Variants in TMEM114 observed in about 807,000 individuals in gnomAD.
TMEM114 encodes transmembrane protein 114.
In TMEM114, 6 loss-of-function variants were observed where a neutral mutation model predicts 6.2. The observed-to-expected ratio is 0.97, with a 90% CI of 0.53 to 1.91. The LOEUF (loss-of-function observed/expected upper bound fraction) is 1.91. Ranked by LOEUF, TMEM114 falls within the 40% of genes most tolerant of loss-of-function variation. TMEM114 has a pLI of 0.01. For missense variants in TMEM114, 218 were observed against 158.3 expected (o/e 1.38, Z -2.02); for synonymous variants, 104 against 73.0 (o/e 1.42, Z -2.16).
chr16:8,586,592 C>G (rs1051485095), intron 2 of TMEM114, among the ~76,000 whole-genome samples: 1 of 151,988 alleles, frequency 6.6e-6, no homozygotes, highest in Non-Finnish European at 1.5e-5. Flanking sequence ...TCACTGCAAC[C>G]TCTGCCTCCC....
At chr16:8,547,409 T>C (rs1900703968) in intron 2 of TMEM114, among the ~76,000 whole-genome samples, 2 of 148,246 alleles carry the variant, frequency 1.3e-5, no homozygotes, top group South Asian at 2.1e-4. Context: ...TTTTTTTTTT[T>C]TGAGACGGAG....
intron 2 of TMEM114, among the ~76,000 whole-genome samples, chr16:8,542,140 C>CG (rs1180284478): frequency 1.2e-3 from 145 of 123,204 alleles, no homozygotes; most frequent in South Asian, 7.8e-3. Context: ...GAGGATGATT[C>CG]GTGGGGGGGG....
At chr16:8,584,679 T>C (rs1455669716) in intron 2 of TMEM114, among the ~76,000 whole-genome samples, 1 of 152,098 alleles carries the variant, frequency 6.6e-6, no homozygotes. Flanking sequence ...CCCAGCACTT[T>C]GGGAGGCCGA....
At position 8,590,022 on chromosome 16, in the gene TMEM114, G is replaced by A; in HGVS notation, c.-184C>T. On this transcript the variant is annotated 5_prime_UTR_variant, in exon 1 of 4. Coordinates refer to ENST00000620492, the MANE Select transcript of TMEM114 (RefSeq NM_001146336.2). ...TAGCTTAGACCCTGGCTCCTCACCT[G>A]CCGGCTCCGACCTGCACGCGCCCCC... The A allele has an allele frequency of 2.6e-6, 1 of 381,480 alleles. No homozygotes were observed. The highest frequency in any genetic ancestry group is 4.6e-6 in the Non-Finnish European group (1 of 215,752). 23.6% of individuals were successfully genotyped at this position (381,480 alleles called of 1,614,324 possible).
At chr16:8,542,539 T>C (rs527327847) in intron 2 of TMEM114, among the ~76,000 whole-genome samples, 1 of 152,274 alleles carries the variant, frequency 6.6e-6, no homozygotes, top group East Asian at 1.9e-4. Context: ...ATTCTAAATA[T>C]GTAAGAACGA....
At chr16:8,581,692 G>T (rs1402949256) in intron 2 of TMEM114, among the ~76,000 whole-genome samples, 2 of 152,240 alleles carry the variant, frequency 1.3e-5, no homozygotes, top group African/African-American at 4.8e-5. Flanking sequence ...GACCTCAAGT[G>T]ATCCGCCCAC....
intron 2 of TMEM114, among the ~76,000 whole-genome samples, chr16:8,547,993 G>A (rs913633784): frequency 1.3e-5 from 2 of 152,098 alleles, no homozygotes; most frequent in South Asian, 2.1e-4. Context: ...TGATAGAAAC[G>A]TCAGGAACAA....
downstream of TMEM114, among the ~76,000 whole-genome samples, chr16:8,566,243 G>T (rs117682095): frequency 3.9e-5 from 6 of 152,096 alleles, no homozygotes; most frequent in African/African-American, 7.2e-5. Flanking sequence ...GGTGCATGGT[G>T]GTGCGTGCCT....
chr16:8,571,336 G>T (rs1309586379), intron 3 of TMEM114, among the ~76,000 whole-genome samples: 1 of 152,142 alleles, frequency 6.6e-6, no homozygotes, highest in Non-Finnish European at 1.5e-5. Flanking sequence ...TGTATTTACG[G>T]TACACAGCAT....
chr16:8,564,092 A>C (rs111218300), intron 2 of TMEM114, among the ~76,000 whole-genome samples: 16 of 151,010 alleles, frequency 1.1e-4, no homozygotes, highest in Non-Finnish European at 2.1e-4. Context: ...TGAGTGAGTG[A>C]GTGAATGAGT....
At chr16:8,587,443 C>T (rs1256655806) in intron 2 of TMEM114, among the ~76,000 whole-genome samples, 9 of 152,178 alleles carry the variant, frequency 5.9e-5, no homozygotes, top group African/African-American at 2.2e-4. Flanking sequence ...ACAAAAAAGT[C>T]ATACAATTTG....
At chr16:8,536,833 G>T (rs1900375432), downstream of TMEM114, among the ~76,000 whole-genome samples, 2 of 152,150 alleles carry the variant, frequency 1.3e-5, no homozygotes, top group African/African-American at 4.8e-5. Context: ...GGCAGAGCAG[G>T]TGTGAAGGGC....
At chr16:8,567,578 T>A (rs1456745940), downstream of TMEM114, among the ~76,000 whole-genome samples, 1 of 152,116 alleles carries the variant, frequency 6.6e-6, no homozygotes, top group Non-Finnish European at 1.5e-5. Flanking sequence ...GCGAGGAGCA[T>A]CCCTGGCCTC....
intron 2 of TMEM114, among the ~76,000 whole-genome samples, chr16:8,559,159 C>G (rs1260323644): frequency 6.6e-6 from 1 of 152,180 alleles, no homozygotes. Flanking sequence ...TGTCCTGCCT[C>G]AGCCTCCTGG....
At chr16:8,535,332 A>T (rs1467893185), downstream of TMEM114, among the ~76,000 whole-genome samples, 1 of 152,194 alleles carries the variant, frequency 6.6e-6, no homozygotes, top group African/African-American at 2.4e-5. Context: ...GCCCTGAGAT[A>T]GCAGATAAAT....
chr16:8,546,477 A>C (rs1900669646), intron 2 of TMEM114, among the ~76,000 whole-genome samples: 1 of 152,210 alleles, frequency 6.6e-6, no homozygotes, highest in Non-Finnish European at 1.5e-5. Context: ...CCCGGACATT[A>C]TCTACAGGAA....
intron 3 of TMEM114, among the ~76,000 whole-genome samples, chr16:8,571,750 G>A (rs563201661): frequency 6.6e-6 from 1 of 152,278 alleles, no homozygotes; most frequent in African/African-American, 2.4e-5. Context: ...CAGCAGAATA[G>A]AGCGAGGGTG....
the TMEM114 span, among the ~76,000 whole-genome samples, chr16:8,527,256 G>C: frequency 6.6e-5 from 10 of 152,128 alleles, no homozygotes; most frequent in African/African-American, 2.4e-4. Flanking sequence ...CTCAACTCAT[G>C]GGCCCTTACA....
chr16:8,532,856 G>A (rs994955607), downstream of TMEM114, among the ~76,000 whole-genome samples: 1 of 152,004 alleles, frequency 6.6e-6, no homozygotes, highest in Admixed American at 6.6e-5. Flanking sequence ...CCCAGGAGGC[G>A]GAGCTTGCAG....
Sources: gnomAD v4.1 joint callset for allele counts (sites outside exome capture counted in the v4.1 genomes callset) on GRCh38, gnomAD v4.1.1 for gene constraint, MANE v1.5 for transcripts, NCBI Gene and HGNC (gene_info 2026-07-23, HGNC 2026-07-21) for gene names.